The following MAD1L1 variants were observed in gnomAD, a reference collection of about 807,000 sequenced individuals.
The protein encoded by MAD1L1 is mitotic spindle assembly checkpoint protein MAD1.
A neutral mutation model predicts 96.9 loss-of-function variants in MAD1L1; 95 were observed. The ratio of observed to expected loss-of-function variants is 0.98; its 90% CI spans 0.83 to 1.16. The LOEUF is 1.16. Ranked by LOEUF, MAD1L1 falls within the 50% of genes most tolerant of loss-of-function variation. MAD1L1 has a pLI of 0.00. For synonymous variants in MAD1L1, 473 were observed against 396.6 expected (o/e 1.19, Z -2.29); for missense variants, 1,007 against 954.4 (o/e 1.06, Z -0.73).
intron 18 of MAD1L1, among the ~76,000 whole-genome samples, chr7:1,893,489 A>C (rs575685440): frequency 2.6e-5 from 4 of 152,254 alleles, no homozygotes; most frequent in Non-Finnish European, 5.9e-5. Flanking sequence ...GGGTTTGGCG[A>C]GATCTTTCAG....
rs1386454282 is a variant in MAD1L1 at position 2,049,183 on chromosome 7, CAA to C, written c.1218+20009_1218+20010del. ...CATTCTTCCAGAGAGGAAGCAAAGG[CAA>C]AGAGAGGGAAAGGGAGCTGGCGCCA... On this transcript the variant is annotated intron_variant, in intron 12 of 18. Transcript: ENST00000265854. Among the ~76,000 whole-genome samples the C allele has an allele frequency of 3.9e-5, 6 of 152,296 alleles. No individual in the cohort carries two copies. In the East Asian group the frequency reaches 1.2e-3, roughly 29 times the overall value.
intron 13 of MAD1L1, 30 bp downstream of exon 13, chr7:2,014,472 G>C: frequency 6.6e-7 from 1 of 1,524,266 alleles, no homozygotes; most frequent in South Asian, 1.2e-5. Context: ...CCCACCTGGC[G>C]ACGTGAGCCC....
intron 11 of MAD1L1, among the ~76,000 whole-genome samples, chr7:2,141,679 C>T (rs1316920962): frequency 2.0e-5 from 3 of 152,182 alleles, no homozygotes; most frequent in Admixed American, 2.0e-4. Context: ...TGGTACCCAC[C>T]CACCCCCGCT....
chr7:1,985,448 G>T (rs1460203849), intron 14 of MAD1L1, among the ~76,000 whole-genome samples: 1 of 115,774 alleles, frequency 8.6e-6, no homozygotes, highest in Admixed American at 7.8e-5. Flanking sequence ...CCAAGAGCGA[G>T]GGCCTCACAG....
chr7:2,036,357 A>C (rs71525354), intron 12 of MAD1L1, among the ~76,000 whole-genome samples: 5 of 145,306 alleles, frequency 3.4e-5, no homozygotes, highest in Admixed American at 1.4e-4. Context: ...GCATGAGCGC[A>C]GGAGCGCTGA....
intron 17 of MAD1L1, 144 bp from the exon 18 acceptor site, chr7:1,898,534 G>C (rs959889413): frequency 4.6e-6 from 3 of 652,710 alleles, no homozygotes; most frequent in African/African-American, 3.6e-5. Flanking sequence ...TGTCACACCA[G>C]CCAGCCTCCA....
At position 2,119,988 on chromosome 7, in the gene MAD1L1, C is replaced by G. The variant is rs2128560602; in HGVS notation, c.1073+29164G>C. ...CGCCCAAGGCATCCCTAGCAATGCCCCAGGTGGAGGAGCCCCAGTTCATGC... is the reference window on the plus strand; with the variant it reads ...CGCCCAAGGCATCCCTAGCAATGCCGCAGGTGGAGGAGCCCCAGTTCATGC... On this transcript the variant is annotated intron_variant, in intron 11 of 18. Transcript: ENST00000265854. The surrounding 1 kb of genome is among the most constrained non-coding windows in gnomAD (Gnocchi z 4.6). 6.6e-6 allele frequency among the ~76,000 whole-genome samples: 1 copy of G among 152,330 alleles called. No homozygotes were observed. Among genetic ancestry groups the G allele is most frequent in the African/African-American group, 2.4e-5 (1 of 41,562 alleles).
chr7:1,975,844 G>T (rs1780611721), intron 15 of MAD1L1, among the ~76,000 whole-genome samples: 1 of 152,158 alleles, frequency 6.6e-6, no homozygotes, highest in Admixed American at 6.5e-5. Flanking sequence ...CACACGGCCG[G>T]GAAGCGAGGG....
chr7:1,914,978 C>T (rs1358534453), intron 17 of MAD1L1, among the ~76,000 whole-genome samples: 1 of 152,170 alleles, frequency 6.6e-6, no homozygotes, highest in Admixed American at 6.5e-5. Flanking sequence ...CATGCGGTGG[C>T]ATCTAAGGAT....
At chr7:2,132,352 G>T (rs992333699) in intron 11 of MAD1L1, among the ~76,000 whole-genome samples, 1 of 152,142 alleles carries the variant, frequency 6.6e-6, no homozygotes, top group Admixed American at 6.5e-5. Flanking sequence ...GGGTTTAGAC[G>T]AACGCATGTC....
intron 11 of MAD1L1, among the ~76,000 whole-genome samples, chr7:2,113,135 C>T (rs1179883648): frequency 2.1e-5 from 3 of 143,792 alleles, no homozygotes; most frequent in East Asian, 3.9e-4. Context: ...ACTCAGGAAA[C>T]GGGGACGAGG....
intron 11 of MAD1L1, among the ~76,000 whole-genome samples, chr7:2,083,549 G>A (rs1204045707): frequency 1.3e-5 from 2 of 152,238 alleles, no homozygotes; most frequent in Non-Finnish European, 2.9e-5. Context: ...AGGCCTCCAA[G>A]GTGGGTCAGT....
chr7:1,821,093 A>AGGG lies in MAD1L1; in HGVS notation c.1999-4868_1999-4866dup, dbSNP rs757288347. Among the ~76,000 whole-genome samples the AGGG allele has an allele frequency of 1.8e-3, 51 of 27,866 alleles. 2 individuals are homozygous for AGGG. The highest frequency in any genetic ancestry group is 4.3e-3 in the African/African-American group (49 of 11,422). The allele number at this position is 27,866 out of a possible 152,430, so 18.3% of individuals were successfully genotyped here. A position where few individuals can be genotyped will look rare whatever the true frequency, so the allele number is the denominator to read the frequency against. ...GAGACTCCATCTCAAAAAAAAAAAA[A>AGGG]GGGGGGGGGGAGAGTGAAATGACCA... On this transcript the variant is annotated intron_variant, in intron 18 of 18. Coordinates refer to ENST00000265854, the MANE Select transcript of MAD1L1 (RefSeq NM_001013836.2).
chr7:2,014,230 CA>C (rs1782428323), intron 13 of MAD1L1, among the ~76,000 whole-genome samples: 1 of 152,202 alleles, frequency 6.6e-6, no homozygotes, highest in Admixed American at 6.5e-5. Flanking sequence ...CCTAACCAGT[CA>C]AAGGGGCACT....
chr7:2,123,107 T>C (rs961268462), intron 11 of MAD1L1, among the ~76,000 whole-genome samples: 1 of 151,716 alleles, frequency 6.6e-6, no homozygotes, highest in East Asian at 1.9e-4. Flanking sequence ...ATTGAGACCA[T>C]CCTGGCTAAT....
chr7:1,823,233 C>T (rs925579134), intron 18 of MAD1L1, among the ~76,000 whole-genome samples: 3 of 151,996 alleles, frequency 2.0e-5, no homozygotes, highest in African/African-American at 4.8e-5. Flanking sequence ...TTTTTTTGAC[C>T]GAAACCTCAC....
At chr7:2,039,430 AC>A (rs774335069) in intron 12 of MAD1L1, among the ~76,000 whole-genome samples, 17 of 151,904 alleles carry the variant, frequency 1.1e-4, no homozygotes, top group Non-Finnish European at 2.5e-4. Context: ...TTTTTAAGAA[AC>A]CCTCGAGCTG....
chr7:2,060,978 T>A (rs534565102), intron 12 of MAD1L1, among the ~76,000 whole-genome samples: 1 of 152,202 alleles, frequency 6.6e-6, no homozygotes, highest in African/African-American at 2.4e-5. Context: ...ACTAAATACG[T>A]TTCAACAAAA....
intron 18 of MAD1L1, among the ~76,000 whole-genome samples, chr7:1,865,266 G>C (rs540738506): frequency 8.5e-5 from 13 of 152,112 alleles, no homozygotes; most frequent in African/African-American, 3.1e-4. Flanking sequence ...GCTCCTCCTT[G>C]GGGAAAGAAG....
Sources: gnomAD v4.1 joint callset for allele counts (sites outside exome capture counted in the v4.1 genomes callset) on GRCh38, gnomAD v4.1.1 for gene constraint, Gnocchi (gnomAD v3.1) non-coding constraint, MANE v1.5 for transcripts, NCBI Gene and HGNC (gene_info 2026-07-23, HGNC 2026-07-21) for gene names.